The following GPHN variants were observed in gnomAD, a reference collection of about 807,000 sequenced individuals.
GPHN encodes gephyrin.
A neutral mutation model predicts 95.5 loss-of-function variants in GPHN; 17 were observed. That is an observed-to-expected ratio of 0.18 (90% CI 0.12 to 0.27). The LOEUF (loss-of-function observed/expected upper bound fraction) is 0.27, where lower values mean the gene tolerates loss of function less well. Ranked by LOEUF, GPHN falls within the 10% of genes least tolerant of loss-of-function variation. GPHN has a pLI of 1.00. For synonymous variants in GPHN, 320 were observed against 322.5 expected (o/e 0.99, Z 0.08); for missense variants, 660 against 978.1 (o/e 0.67, Z 4.34).
chr14:67,697,076 G>A, the GPHN span, among the ~76,000 whole-genome samples: 13,564 of 152,092 alleles, frequency 0.089, 859 homozygotes, highest in East Asian at 0.23. Context: ...AGTCATTCAC[G>A]CATTTGACAA....
At chr14:67,243,130 C>T in the GPHN span, among the ~76,000 whole-genome samples, 1 of 151,894 alleles carries the variant, frequency 6.6e-6, no homozygotes, top group Admixed American at 6.6e-5. Flanking sequence ...TTTCTGATTT[C>T]AGAGTGTCTA....
the GPHN span, chr14:67,473,599 C>G: frequency 6.2e-7 from 1 of 1,604,714 alleles, no homozygotes; most frequent in African/African-American, 1.3e-5. This position sits in a 1 kb window ranked among gnomAD's most constrained non-coding sequence, Gnocchi z 6.5. Context: ...AAGTCAAAGT[C>G]GAACTGGGAG....
chr14:67,389,937 C>T, the GPHN span, among the ~76,000 whole-genome samples: 1 of 152,148 alleles, frequency 6.6e-6, no homozygotes, highest in African/African-American at 2.4e-5. Context: ...CCTCCTGCCA[C>T]ATCCCTCCCT....
chr14:67,157,809 CAGAG>C (rs1349812317), intron 18 of GPHN, among the ~76,000 whole-genome samples: 6 of 146,226 alleles, frequency 4.1e-5, no homozygotes, highest in Non-Finnish European at 8.9e-5. Flanking sequence ...GCCTGGGTGA[CAGAG>C]AGAGACCCCG....
chr14:66,670,854 G>A (rs1211896267), intron 1 of GPHN, among the ~76,000 whole-genome samples: 3 of 152,142 alleles, frequency 2.0e-5, no homozygotes, highest in Non-Finnish European at 2.9e-5. Flanking sequence ...TGTGGGCCAA[G>A]AGGCAAAATT....
At chr14:67,573,587 A>C in the GPHN span, among the ~76,000 whole-genome samples, 1 of 152,190 alleles carries the variant, frequency 6.6e-6, no homozygotes, top group African/African-American at 2.4e-5. This position sits in a 1 kb window ranked among gnomAD's most constrained non-coding sequence, Gnocchi z 4.8. Context: ...TTTCAGAATG[A>C]AATAGGGAGG....
the GPHN span, among the ~76,000 whole-genome samples, chr14:67,630,633 G>A: frequency 6.6e-6 from 1 of 152,176 alleles, no homozygotes; most frequent in Admixed American, 6.5e-5. Context: ...AGGCTGGAGT[G>A]CAGTGGCGCG....
At chr14:67,242,950 C>G in the GPHN span, among the ~76,000 whole-genome samples, 2 of 152,098 alleles carry the variant, frequency 1.3e-5, no homozygotes, top group African/African-American at 4.8e-5. Flanking sequence ...GTGGGTTTAG[C>G]TTTTACATGA....
chr14:67,414,848 C>A, the GPHN span, among the ~76,000 whole-genome samples: 1 of 152,320 alleles, frequency 6.6e-6, no homozygotes, highest in South Asian at 2.1e-4. Context: ...TCACCAAATC[C>A]GGATGCTTCA....
At chr14:67,249,089 A>T in the GPHN span, among the ~76,000 whole-genome samples, 1 of 151,928 alleles carries the variant, frequency 6.6e-6, no homozygotes, top group Non-Finnish European at 1.5e-5. Flanking sequence ...CAGCCTCCCG[A>T]GTAGCTGGGA....
At chr14:67,044,738 TTCC>T (rs3036765) in intron 10 of GPHN, among the ~76,000 whole-genome samples, 50,313 of 150,584 alleles carry the variant, frequency 0.33, 13,677 homozygotes, top group African/African-American at 0.74. Context: ...GAGTACCCCC[TTCC>T]TCCTCCTCCT....
chr14:67,263,237 A>AT, the GPHN span, among the ~76,000 whole-genome samples: 1 of 152,196 alleles, frequency 6.6e-6, no homozygotes, highest in Non-Finnish European at 1.5e-5. Flanking sequence ...TAATTTGTCT[A>AT]ATTGAAAAGA....
chr14:66,518,206 C>T (rs577254649), intron 1 of GPHN, among the ~76,000 whole-genome samples: 1 of 151,706 alleles, frequency 6.6e-6, no homozygotes, highest in African/African-American at 2.4e-5. Context: ...CAAAAGAAGA[C>T]ATACAAATGG....
chr14:66,872,432 A>C (rs1237443898), intron 4 of GPHN, among the ~76,000 whole-genome samples: 1 of 152,174 alleles, frequency 6.6e-6, no homozygotes, highest in Non-Finnish European at 1.5e-5. Context: ...TTTCACCCTC[A>C]AGTTTTAGCC....
chr14:67,587,106 T>C, the GPHN span: 1 of 1,613,158 alleles, frequency 6.2e-7, no homozygotes, highest in East Asian at 2.2e-5. Context: ...TGGCCAGCTA[T>C]ATGAACCATT....
At chr14:67,266,231 G>T in the GPHN span, among the ~76,000 whole-genome samples, 1 of 152,210 alleles carries the variant, frequency 6.6e-6, no homozygotes, top group Admixed American at 6.5e-5. Flanking sequence ...GTAAGAACTC[G>T]TTTTTTAGTT....
chr14:67,715,782 T>C, the GPHN span, among the ~76,000 whole-genome samples: 3 of 152,334 alleles, frequency 2.0e-5, no homozygotes, highest in South Asian at 4.1e-4. Context: ...GAGAGATTAC[T>C]GTAAACTCAA....
At chr14:67,346,429 G>A in the GPHN span, among the ~76,000 whole-genome samples, 2 of 151,996 alleles carry the variant, frequency 1.3e-5, no homozygotes, top group African/African-American at 4.8e-5. Flanking sequence ...CTCCCACCTC[G>A]GCCTCCCGAG....
the GPHN span, among the ~76,000 whole-genome samples, chr14:67,591,137 T>C: frequency 2.6e-5 from 4 of 152,130 alleles, no homozygotes; most frequent in Non-Finnish European, 5.9e-5. Context: ...ACTTGACTAA[T>C]AGAGAAGATA....
Sources: allele counts gnomAD v4.1 joint callset (sites outside exome capture counted in the v4.1 genomes callset), GRCh38; gene constraint gnomAD v4.1.1; non-coding constraint Gnocchi (gnomAD v3.1); transcripts MANE v1.5; gene names NCBI Gene and HGNC (gene_info 2026-07-23, HGNC 2026-07-21).